SIRPB1: variants seen among roughly 807,000 people sequenced by gnomAD.
SIRPB1 encodes the protein signal regulatory protein beta 1.
Under a neutral mutation model 34.1 loss-of-function variants are expected in SIRPB1, and 28 were observed. The ratio of observed to expected loss-of-function variants is 0.82; its 90% CI spans 0.61 to 1.12. SIRPB1 has a LOEUF of 1.12. Among genes scored for constraint, SIRPB1 ranks in the 50% most tolerant of loss-of-function variants. SIRPB1 has a pLI of 0.00. For synonymous variants in SIRPB1, 211 were observed against 203.8 expected (o/e 1.04, Z -0.30); for missense variants, 499 against 507.0 (o/e 0.98, Z 0.15).
In SIRPB1 at chr20:1,580,002, C is replaced by T. The variant is rs547695312; in HGVS notation, c.77-1308G>A. ...AGAAGCACATTTTAGGTGCTGTTGA[C>T]ATACAACACATGCAGCATAACTATG... On this transcript the variant is annotated intron_variant, in intron 1 of 5. Transcript: ENST00000381605. Among the ~76,000 whole-genome samples, 5 of 148,514 alleles carry T rather than the reference C, an allele frequency of 3.4e-5. No individual in the cohort carries two copies. The East Asian group carries it at 9.6e-4, about 29-fold the overall frequency.
In SIRPB1 at chr20:1,600,439, G is replaced by A. The variant is rs1282449566; in HGVS notation, c.76+19430C>T. ...ATATGTGGCTGGAAGGTTGGAGGCC[G>A]GCAGTTCTCAGCTGGGGGGCTCTCT... On this transcript the variant is annotated intron_variant, in intron 1 of 5. Transcript: ENST00000381605. Among the ~76,000 whole-genome samples, 2 of 49,026 alleles carry A rather than the reference G, an allele frequency of 4.1e-5. 1 individual carries two copies. The highest frequency in any genetic ancestry group is 2.7e-4 in the Admixed American group (2 of 7,352). The allele number at this position is 49,026 out of a possible 152,430, so 32.2% of individuals were successfully genotyped here. A position where few individuals can be genotyped will look rare whatever the true frequency, so the allele number is the denominator to read the frequency against.
chr20:1,619,444 G>A (rs1191212131), intron 1 of SIRPB1, among the ~76,000 whole-genome samples: 1 of 152,120 alleles, frequency 6.6e-6, no homozygotes, highest in Non-Finnish European at 1.5e-5. Context: ...CTACTCAAGT[G>A]AGCACTATTA....
chr20:1,570,677 G>C (rs1568682622), intron 4 of SIRPB1, 128 bp downstream of exon 4: 1 of 815,322 alleles, frequency 1.2e-6, no homozygotes, highest in Non-Finnish European at 1.9e-6. Context: ...ATGGAGTGTA[G>C]GATTTTAATG....
At chr20:1,602,234 G>A (rs189737754) in intron 1 of SIRPB1, among the ~76,000 whole-genome samples, 2,652 of 48,808 alleles carry the variant, frequency 0.054, 1,259 homozygotes, top group African/African-American at 0.34. Context: ...AGGATGAAGC[G>A]AGGGCTATCA....
In SIRPB1 at chr20:1,572,287, C is replaced by T. The variant is rs560511293; in HGVS notation, c.434-250G>A. 3.9e-5 allele frequency among the ~76,000 whole-genome samples: 6 copies of T among 152,246 alleles called. No individual in the cohort carries two copies. In the South Asian group the frequency reaches 8.3e-4, roughly 21 times the overall value. On this transcript the variant is annotated intron_variant, in intron 2 of 5. Coordinates refer to ENST00000381605, the MANE Select transcript of SIRPB1 (RefSeq NM_006065.5). The stretch of plus-strand genomic sequence containing the variant: ...AGTCCAGGCCTGAGTTCAAAGTCCT[C>T]TCCACACAGGGAGACTTCCACCAAT...
intron 1 of SIRPB1, among the ~76,000 whole-genome samples, chr20:1,596,912 G>C (rs1011124046): frequency 2.0e-5 from 1 of 49,030 alleles, no homozygotes; most frequent in Admixed American, 1.4e-4. Context: ...GCCGGAGCAG[G>C]CTTGGACTGG....
intron 4 of SIRPB1, among the ~76,000 whole-genome samples, chr20:1,567,357 C>T (rs778614708): frequency 3.9e-5 from 6 of 152,308 alleles, no homozygotes; most frequent in South Asian, 2.1e-4. Flanking sequence ...CAGGACCCTC[C>T]GGCCTTTTGC....
At chr20:1,616,487 T>C (rs991592403) in intron 1 of SIRPB1, among the ~76,000 whole-genome samples, 7 of 152,186 alleles carry the variant, frequency 4.6e-5, no homozygotes, top group Non-Finnish European at 5.9e-5. Flanking sequence ...AAAAGTGGCA[T>C]TGGGAAACCT....
Position 1,616,491 on chromosome 20 carries a change from G to A in SIRPB1, c.76+3378C>T, listed in dbSNP as rs189160658. On this transcript the variant is annotated intron_variant, in intron 1 of 5. Coordinates refer to ENST00000381605, the MANE Select transcript of SIRPB1 (RefSeq NM_006065.5). ...CAGTCTCTTCAAAAAGTGGCATTGG[G>A]AAACCTGGATATCCATCTGTAGAGG... is the stretch of plus-strand genomic sequence containing the variant. 1.2e-4 allele frequency among the ~76,000 whole-genome samples: 19 copies of A among 152,322 alleles called. No homozygotes were observed. The East Asian group carries it at 3.5e-3, about 28-fold the overall frequency.
intron 4 of SIRPB1, 33 bp downstream of exon 4, chr20:1,570,772 A>C (rs973426680): frequency 6.6e-7 from 1 of 1,518,280 alleles, no homozygotes; most frequent in Non-Finnish European, 9.0e-7. Context: ...ATTAAAGAAA[A>C]AGACAAAATT....
chr20:1,566,414 C>T (rs2091136147), intron 4 of SIRPB1, 147 bp from the exon 5 acceptor site: 1 of 557,002 alleles, frequency 1.8e-6, no homozygotes, highest in Non-Finnish European at 3.2e-6. Flanking sequence ...TTCCTGACTC[C>T]AGCCGAAAGC....
rs373097423 is a variant in SIRPB1, at chr20:1,561,800, C to T, written c.*3700G>A. On this transcript the variant is annotated 3_prime_UTR_variant, in exon 6 of 6. Coordinates refer to ENST00000381605, the MANE Select transcript of SIRPB1 (RefSeq NM_006065.5). Reference sequence around the variant, plus strand: ...AAGCTGTATTTGTCAGATTTTTCCACTGTAAAGTTATTTTTTCTCCTTTTT... The same window carrying T: ...AAGCTGTATTTGTCAGATTTTTCCATTGTAAAGTTATTTTTTCTCCTTTTT... 2.6e-4 allele frequency among the ~76,000 whole-genome samples: 40 copies of T among 152,248 alleles called. No individual in the cohort carries two copies. The highest frequency in any genetic ancestry group is 9.6e-4 in the African/African-American group (40 of 41,550).
chr20:1,615,845 C>T (rs766174723), intron 1 of SIRPB1, among the ~76,000 whole-genome samples: 6 of 152,014 alleles, frequency 3.9e-5, no homozygotes, highest in Non-Finnish European at 7.4e-5. Context: ...TATACACATA[C>T]CTTATTTTAT....
intron 1 of SIRPB1, among the ~76,000 whole-genome samples, chr20:1,614,586 C>A (rs1417488885): frequency 6.6e-6 from 1 of 151,930 alleles, no homozygotes; most frequent in African/African-American, 2.4e-5. Flanking sequence ...CTTGATTGAG[C>A]CTGCTCCTTG....
chr20:1,571,249 G>A (rs943658855), intron 3 of SIRPB1, 112 bp from the exon 4 acceptor site: 1 of 1,140,566 alleles, frequency 8.8e-7, no homozygotes, highest in Non-Finnish European at 1.2e-6. Flanking sequence ...GACAGTGCTA[G>A]GCAGGCAGCA....
At chr20:1,572,522 CA>C (rs1023882357) in intron 2 of SIRPB1, among the ~76,000 whole-genome samples, 11 of 150,822 alleles carry the variant, frequency 7.3e-5, no homozygotes, top group African/African-American at 2.7e-4. Flanking sequence ...TCCTCATCCG[CA>C]AAACAGGAGG....
Position 1,578,553 on chromosome 20 carries a change from G to A in SIRPB1, c.218C>T (p.Ala73Val). 1 of 1,583,978 alleles carries A rather than the reference G, an allele frequency of 6.3e-7. No homozygotes were observed. The highest frequency in any genetic ancestry group is 8.6e-7 in the Non-Finnish European group (1 of 1,157,584). The change falls in exon 2 of 6, where the codon GCA becomes GTA. Residue 73 changes from alanine (A) to valine (V), a missense_variant. By Grantham distance (64) the Ala-to-Val change is moderately conservative (BLOSUM62 0). Coordinates refer to ENST00000381605, the MANE Select transcript of SIRPB1 (RefSeq NM_006065.5). ...CTGATTGTAGATTAATTCCCGGCCT[G>A]CTCCAGCTCCTCTAAACCACATGAT... ...GPIMWFRGAG[A>V]GRELIYNQKE...
Position 1,577,286 on chromosome 20 carries a change from G to A in SIRPB1, c.433+1052C>T, listed in dbSNP as rs552964617. Among the ~76,000 whole-genome samples the A allele has an allele frequency of 1.6e-4, 23 of 148,052 alleles. 2 individuals carry two copies. The South Asian group carries it at 4.9e-3, about 31-fold the overall frequency. On this transcript the variant is annotated intron_variant, in intron 2 of 5. Coordinates refer to ENST00000381605, the MANE Select transcript of SIRPB1 (RefSeq NM_006065.5). ...GGAGACAGCGTCTAATGCTGGGGAA[G>A]GAAGGAGACTGCCACGATTCAGATA...
At position 1,570,751 on chromosome 20, in the gene SIRPB1, T is replaced by G. The variant is rs555102570; in HGVS notation, c.1084+54A>C. 63 of 1,346,566 alleles carry G rather than the reference T, an allele frequency of 4.7e-5. 2 individuals are homozygous for G. The African/African-American group carries it at 8.2e-4, about 18-fold the overall frequency. The allele number at this position is 1,346,566 out of a possible 1,614,324, so 83.4% of individuals were successfully genotyped here. A position where few individuals can be genotyped will look rare whatever the true frequency, so the allele number is the denominator to read the frequency against. On this transcript the variant is annotated intron_variant, in intron 4 of 5. Transcript: ENST00000381605. ...GCTTATTTTATGACAAGCATGAATA[T>G]TGCTTTTAACATTAAAGAAAAAGAC... is the stretch of plus-strand genomic sequence containing the variant.
Sources: gnomAD v4.1 joint callset for allele counts (sites outside exome capture counted in the v4.1 genomes callset) on GRCh38, gnomAD v4.1.1 for gene constraint, MANE v1.5 for transcripts, NCBI Gene and HGNC (gene_info 2026-07-23, HGNC 2026-07-21) for gene names.